PTPRM: variants seen among roughly 807,000 people sequenced by gnomAD.
PTPRM encodes receptor-type tyrosine-protein phosphatase mu.
Under a neutral mutation model 186.7 loss-of-function variants are expected in PTPRM, and 47 were observed. The ratio of observed to expected loss-of-function variants is 0.25; its 90% CI spans 0.20 to 0.32. PTPRM has a LOEUF of 0.32. PTPRM is among the 10% of genes least tolerant of loss of function. The probability of loss-of-function intolerance (pLI) is 1.00; values close to 1 mark genes in which losing one functional copy is unlikely to be tolerated. For missense variants in PTPRM, 1,494 were observed against 1,865.0 expected (o/e 0.80, Z 3.66); for synonymous variants, 668 against 674.9 (o/e 0.99, Z 0.16).
At position 8,370,958 on chromosome 18, in the gene PTPRM, A is replaced by G; in HGVS notation, c.3123A>G (p.Glu1041=). ...IYKDIKVTLI[E]TELLAEYVIR... ...AAGACATTAAAGTTACCCTAATAGA[A>G]ACAGAACTACTGGCAGAATATGTGA... The change falls in exon 24 of 33, where the codon GAA becomes GAG. Residue 1041 remains glutamate, a synonymous_variant. Coordinates refer to ENST00000580170, the MANE Select transcript of PTPRM (RefSeq NM_001105244.2). 1 of 1,607,502 alleles carries G rather than the reference A, an allele frequency of 6.2e-7. No homozygotes were observed. The highest frequency in any genetic ancestry group is 2.2e-5 in the East Asian group (1 of 44,756).
At chr18:7,770,205 G>T (rs1000067460) in intron 1 of PTPRM, among the ~76,000 whole-genome samples, 14 of 152,212 alleles carry the variant, frequency 9.2e-5, no homozygotes, top group African/African-American at 2.4e-4. Flanking sequence ...TTAGAAATGC[G>T]TCCTTTTACT....
chr18:7,907,246 G>A (rs1402938727), intron 4 of PTPRM, among the ~76,000 whole-genome samples: 2 of 152,112 alleles, frequency 1.3e-5, no homozygotes, highest in Non-Finnish European at 2.9e-5. Flanking sequence ...GCCCCCCAGG[G>A]GCCACCACAG....
At chr18:8,375,170 A>G (rs1423830015) in intron 24 of PTPRM, among the ~76,000 whole-genome samples, 2 of 152,202 alleles carry the variant, frequency 1.3e-5, no homozygotes, top group Admixed American at 1.3e-4. Context: ...TAAAACCAAG[A>G]GCAAACCGTA....
intron 31 of PTPRM, 63 bp downstream of exon 31, chr18:8,387,298 T>G: frequency 2.0e-6 from 3 of 1,476,774 alleles, no homozygotes; most frequent in Non-Finnish European, 2.8e-6. Flanking sequence ...TCTCACCTCC[T>G]AGTTCTCTGA....
intron 7 of PTPRM, among the ~76,000 whole-genome samples, chr18:7,984,600 T>TACACACACACAC (rs1364395082): frequency 6.3e-5 from 7 of 110,966 alleles, no homozygotes; most frequent in African/African-American, 2.6e-4. Flanking sequence ...TATATATATA[T>TACACACACACAC]ATACACACAC....
chr18:8,023,183 G>T (rs1307173867), intron 7 of PTPRM, among the ~76,000 whole-genome samples: 6 of 152,064 alleles, frequency 3.9e-5, no homozygotes, highest in African/African-American at 1.4e-4. Context: ...GGCTACCCCA[G>T]CTAGGAAGGA....
chr18:7,658,121 A>G (rs1317779497), intron 1 of PTPRM, among the ~76,000 whole-genome samples: 4 of 151,950 alleles, frequency 2.6e-5, no homozygotes, highest in Admixed American at 2.0e-4. Flanking sequence ...TGTACATTAC[A>G]TCCCCAGAAT....
chr18:8,019,409 G>T lies in PTPRM; in HGVS notation c.1133-50277G>T, dbSNP rs569201033. On this transcript the variant is annotated intron_variant, in intron 7 of 32. Coordinates refer to ENST00000580170, the MANE Select transcript of PTPRM (RefSeq NM_001105244.2). ...GCCCTTGTGGGAACATATGTAAAAAGCAGTGTTCTTCTACACAATTGACAA... is the reference window on the plus strand; with the variant it reads ...GCCCTTGTGGGAACATATGTAAAAATCAGTGTTCTTCTACACAATTGACAA... 2.6e-5 allele frequency among the ~76,000 whole-genome samples: 4 copies of T among 152,170 alleles called. No individual in the cohort carries two copies. The East Asian group carries it at 7.7e-4, about 29-fold the overall frequency.
chr18:7,766,013 G>C (rs908883199), intron 1 of PTPRM, among the ~76,000 whole-genome samples: 1 of 152,214 alleles, frequency 6.6e-6, no homozygotes, highest in African/African-American at 2.4e-5. Flanking sequence ...ATTAACATTT[G>C]ATTGTCCTCC....
At chr18:7,663,032 C>G (rs1430352231) in intron 1 of PTPRM, among the ~76,000 whole-genome samples, 2 of 152,188 alleles carry the variant, frequency 1.3e-5, no homozygotes, top group Non-Finnish European at 2.9e-5. Flanking sequence ...CCCCTCTGCT[C>G]TTCTTGGCAG....
chr18:8,021,314 A>G (rs2085204544), intron 7 of PTPRM, among the ~76,000 whole-genome samples: 1 of 101,152 alleles, frequency 9.9e-6, no homozygotes, highest in African/African-American at 4.3e-5. Context: ...TAAGCATAAA[A>G]GAGACACACA....
At chr18:8,189,957 A>G (rs568513884) in intron 14 of PTPRM, among the ~76,000 whole-genome samples, 23 of 152,340 alleles carry the variant, frequency 1.5e-4, no homozygotes, top group Admixed American at 1.2e-3. Flanking sequence ...CATATATTCA[A>G]TACCAACTCT....
intron 19 of PTPRM, among the ~76,000 whole-genome samples, chr18:8,288,262 G>A (rs915968091): frequency 3.3e-5 from 5 of 152,172 alleles, no homozygotes; most frequent in African/African-American, 1.2e-4. Flanking sequence ...CTGAAGGGGG[G>A]TGCCAAAGAA....
At chr18:7,886,349 G>A (rs999557624) in intron 2 of PTPRM, among the ~76,000 whole-genome samples, 7 of 152,204 alleles carry the variant, frequency 4.6e-5, no homozygotes, top group Admixed American at 4.6e-4. Flanking sequence ...TGATACTCTC[G>A]TCACTTGTTC....
chr18:8,274,304 C>G (rs1231619988), intron 19 of PTPRM, among the ~76,000 whole-genome samples: 1 of 152,180 alleles, frequency 6.6e-6, no homozygotes, highest in Non-Finnish European at 1.5e-5. Flanking sequence ...CTATTTTTCA[C>G]TAAATAAAAT....
At chr18:7,869,894 G>A (rs2047901690) in intron 2 of PTPRM, among the ~76,000 whole-genome samples, 2 of 152,182 alleles carry the variant, frequency 1.3e-5, no homozygotes, top group Admixed American at 1.3e-4. Context: ...ATATGCATCA[G>A]GAGTATCCTC....
chr18:8,031,059 C>T (rs2085935118), intron 7 of PTPRM, among the ~76,000 whole-genome samples: 1 of 151,972 alleles, frequency 6.6e-6, no homozygotes, highest in Admixed American at 6.6e-5. Context: ...AAACGGTTGC[C>T]CATTCATTTG....
At chr18:7,748,427 T>A (rs565793156) in intron 1 of PTPRM, among the ~76,000 whole-genome samples, 1 of 152,126 alleles carries the variant, frequency 6.6e-6, no homozygotes. Context: ...TCCTCTGTCC[T>A]TCTGCGTGGG....
At chr18:7,570,075 A>G (rs754952508) in intron 1 of PTPRM, among the ~76,000 whole-genome samples, 1 of 152,152 alleles carries the variant, frequency 6.6e-6, no homozygotes, top group Non-Finnish European at 1.5e-5. Flanking sequence ...GCAGTGAGCT[A>G]TGATTGCACC....
Sources: gnomAD v4.1 joint callset for allele counts (sites outside exome capture counted in the v4.1 genomes callset) on GRCh38, gnomAD v4.1.1 for gene constraint, MANE v1.5 for transcripts, NCBI Gene and HGNC (gene_info 2026-07-23, HGNC 2026-07-21) for gene names.